Variants in TLN2 observed in about 807,000 individuals in gnomAD.
The protein encoded by TLN2 is talin-2.
In TLN2, 118 loss-of-function variants were observed where a neutral mutation model predicts 294.7. The observed-to-expected ratio is 0.40, with a 90% confidence interval of 0.34 to 0.47. TLN2 has a LOEUF of 0.47. Ranked by LOEUF, TLN2 falls within the 20% of genes least tolerant of loss-of-function variation. The probability of loss-of-function intolerance (pLI) is 0.84; values close to 1 mark genes in which losing one functional copy is unlikely to be tolerated. For synonymous variants in TLN2, 1,431 were observed against 1,304.5 expected (o/e 1.10, Z -2.09); for missense variants, 3,083 against 3,282.2 (o/e 0.94, Z 1.48).
chr15:62,761,542 C>G (rs1344589568), intron 37 of TLN2, 139 bp from the exon 38 acceptor site: 4 of 1,193,244 alleles, frequency 3.4e-6, no homozygotes, highest in Non-Finnish European at 4.7e-6. Context: ...TCATCAGTTC[C>G]TATTTATTGT....
At chr15:62,824,777 C>G (rs1312954933) in intron 54 of TLN2, among the ~76,000 whole-genome samples, 1 of 152,158 alleles carries the variant, frequency 6.6e-6, no homozygotes, top group Non-Finnish European at 1.5e-5. Context: ...TAACAGCCTT[C>G]TTTGGTTGGT....
At chr15:62,610,851 CTGTA>C (rs367783740) in intron 2 of TLN2, among the ~76,000 whole-genome samples, 28 of 152,342 alleles carry the variant, frequency 1.8e-4, no homozygotes, top group African/African-American at 5.5e-4. Flanking sequence ...CTGTGTATCT[CTGTA>C]TGTGCACACT....
In TLN2 at chr15:62,423,022, G is replaced by C. The variant is rs144339188; in HGVS notation, c.-238+32337G>C. Among the ~76,000 whole-genome samples the C allele has an allele frequency of 3.0e-4, 45 of 152,354 alleles. No individual in the cohort carries two copies. In the Middle Eastern group the frequency reaches 0.01, roughly 35 times the overall value. On this transcript the variant is annotated intron_variant, in intron 1 of 58. Coordinates refer to ENST00000636159, the MANE Select transcript of TLN2 (RefSeq NM_015059.3). ...TCTGCACAGTGTAGTGCAGCCTGCAGCTGGCTTCTCCCAGGGGGAAGAGGT... is the reference window on the plus strand; with the variant it reads ...TCTGCACAGTGTAGTGCAGCCTGCACCTGGCTTCTCCCAGGGGGAAGAGGT...
At chr15:62,645,747 G>C (rs1459754389) in intron 3 of TLN2, among the ~76,000 whole-genome samples, 2 of 152,122 alleles carry the variant, frequency 1.3e-5, no homozygotes, top group Non-Finnish European at 2.9e-5. Flanking sequence ...ACTACCTGCA[G>C]GTTCTCTCAT....
At chr15:62,712,400 A>T (rs2059481117) in intron 22 of TLN2, among the ~76,000 whole-genome samples, 1 of 152,194 alleles carries the variant, frequency 6.6e-6, no homozygotes, top group Non-Finnish European at 1.5e-5. Flanking sequence ...TAGCAAATTC[A>T]CCTAAACCTA....
chr15:62,722,535 G>T, intron 26 of TLN2, 48 bp downstream of exon 26: 2 of 1,570,856 alleles, frequency 1.3e-6, no homozygotes, highest in Middle Eastern at 2.3e-4. Context: ...AGGGAGCTGG[G>T]GTGGCATGGG....
intron 54 of TLN2, among the ~76,000 whole-genome samples, chr15:62,827,087 G>A (rs1022069892): frequency 3.0e-5 from 4 of 134,366 alleles, no homozygotes; most frequent in African/African-American, 1.1e-4. Flanking sequence ...AGTTTTCAGG[G>A]AGGGAGGCAA....
chr15:62,477,890 TGGGGGGGATGGA>T (rs1230665103), intron 1 of TLN2, among the ~76,000 whole-genome samples: 1 of 3,380 alleles, frequency 3.0e-4, no homozygotes, highest in Non-Finnish European at 5.6e-4. Flanking sequence ...TGGCAGGTGG[TGGGGGGGATGGA>T]GGGGGGGGTG....
At chr15:62,499,314 G>A (rs2140425868) in intron 1 of TLN2, among the ~76,000 whole-genome samples, 1 of 152,238 alleles carries the variant, frequency 6.6e-6, no homozygotes, top group Non-Finnish European at 1.5e-5. Context: ...GCCAGGCGTG[G>A]TGGTGCTCAC....
intron 1 of TLN2, among the ~76,000 whole-genome samples, chr15:62,574,173 A>AT (rs113648407): frequency 0.058 from 8,454 of 144,982 alleles, 731 homozygotes; most frequent in African/African-American, 0.2. Context: ...CTGTCACTTC[A>AT]TTTTTTTTTT....
At chr15:62,594,505 C>G (rs1351726404) in intron 2 of TLN2, among the ~76,000 whole-genome samples, 2 of 152,214 alleles carry the variant, frequency 1.3e-5, no homozygotes, top group African/African-American at 4.8e-5. Context: ...CCATGCCCAT[C>G]TCACCCACCT....
intron 1 of TLN2, among the ~76,000 whole-genome samples, chr15:62,528,723 T>A (rs1209035882): frequency 1.5e-5 from 2 of 135,214 alleles, no homozygotes; most frequent in Non-Finnish European, 3.0e-5. Context: ...CGGGTCAGAA[T>A]GTCACCACTG....
chr15:62,428,704 C>G (rs544396239), intron 1 of TLN2, among the ~76,000 whole-genome samples: 5 of 152,132 alleles, frequency 3.3e-5, no homozygotes, highest in Non-Finnish European at 7.3e-5. Context: ...GCTTATTTCT[C>G]TAAAGAGATG....
In TLN2 at chr15:62,739,369, T is replaced by C; in HGVS notation, c.3709T>C (p.Phe1237Leu). ...VDSLPPSTKP[F>L]QEAQSELNQA... is the part of the protein sequence containing the mutation. ...ACAGCTACCTCCAAGCACGAAGCCT[T>C]TCCAGGAAGCCCAGAGTGAACTGAA... The change falls in exon 31 of 59, where the codon TTC (phenylalanine) becomes CTC (leucine). Residue 1237 changes from phenylalanine (F) to leucine (L), a missense_variant. Phe to Leu is a conservative substitution (Grantham distance 22). Coordinates refer to ENST00000636159, the MANE Select transcript of TLN2 (RefSeq NM_015059.3). 1 of 1,613,796 alleles carries C rather than the reference T, an allele frequency of 6.2e-7. No individual in the cohort carries two copies. The highest frequency in any genetic ancestry group is 2.2e-5 in the East Asian group (1 of 44,870).
In TLN2 at chr15:62,675,312, C is replaced by T; in HGVS notation, c.948C>T (p.Phe316=). The T allele has an allele frequency of 6.2e-7, 1 of 1,614,188 alleles. No homozygotes were observed. Among genetic ancestry groups the T allele is most frequent in the African/African-American group, 1.3e-5 (1 of 75,050 alleles). ...TCCGCACATATGGCGTGTCCTTCTTCCTGGTGAAGGTGAGTTGGGCAGAAT... is the reference window on the plus strand; with the variant it reads ...TCCGCACATATGGCGTGTCCTTCTTTCTGGTGAAGGTGAGTTGGGCAGAAT... The part of the protein sequence containing the change: ...RSLRTYGVSF[F]LVKEKMKGKN... Residue 316 remains phenylalanine, a synonymous_variant, in exon 11 of 59, where the codon TTC becomes TTT. Transcript: ENST00000636159.
Position 62,702,059 on chromosome 15 carries a change from G to T in TLN2, c.1764G>T (p.Thr588=). The change falls in exon 18 of 59, where the codon ACG becomes ACT. Residue 588 remains threonine (T), a synonymous_variant. Transcript: ENST00000636159. ...CAITTISSNL[T]EMSKGVKLLA... ...TCACCACTATTTCTTCCAACCTGACGGAGATGTCCAAGGGTGTGAAGCTAT... is the reference window on the plus strand; with the variant it reads ...TCACCACTATTTCTTCCAACCTGACTGAGATGTCCAAGGGTGTGAAGCTAT... The T allele has an allele frequency of 2.5e-6, 4 of 1,614,224 alleles. No individual in the cohort carries two copies. Among genetic ancestry groups the T allele is most frequent in the Non-Finnish European group, 2.5e-6 (3 of 1,180,046 alleles).
intron 29 of TLN2, among the ~76,000 whole-genome samples, chr15:62,737,528 G>A (rs867149088): frequency 2.6e-5 from 4 of 152,220 alleles, no homozygotes; most frequent in South Asian, 2.1e-4. Context: ...GTTGGCTAAG[G>A]AGCATCCAGG....
At chr15:62,652,687 G>T (rs1006287931) in intron 6 of TLN2, among the ~76,000 whole-genome samples, 1 of 152,104 alleles carries the variant, frequency 6.6e-6, no homozygotes, top group Non-Finnish European at 1.5e-5. Flanking sequence ...CTCCTCTGTG[G>T]CGGTGTTTCC....
At chr15:62,526,863 A>G (rs2040765958) in intron 1 of TLN2, among the ~76,000 whole-genome samples, 2 of 152,190 alleles carry the variant, frequency 1.3e-5, no homozygotes, top group Non-Finnish European at 2.9e-5. Context: ...CAGACAAGCC[A>G]TGAATACTTG....
Sources: allele counts gnomAD v4.1 joint callset (sites outside exome capture counted in the v4.1 genomes callset), GRCh38; gene constraint gnomAD v4.1.1; transcripts MANE v1.5; gene names NCBI Gene and HGNC (gene_info 2026-07-23, HGNC 2026-07-21).